Variants in EXPH5 observed in about 807,000 individuals in gnomAD.
EXPH5 encodes the protein exophilin 5, also known as exophilin-5.
Under a neutral mutation model 41.1 loss-of-function variants are expected in EXPH5, and 42 were observed. That is an observed-to-expected ratio of 1.02 (90% CI 0.80 to 1.32). EXPH5 has a LOEUF of 1.32. Ranked by LOEUF, EXPH5 falls within the 40% of genes most tolerant of loss-of-function variation. The pLI is 0.00. For missense variants in EXPH5, 2,298 were observed against 2,314.5 expected (o/e 0.99, Z 0.15); for synonymous variants, 798 against 833.5 (o/e 0.96, Z 0.73).
intron 1 of EXPH5, among the ~76,000 whole-genome samples, chr11:108,590,943 G>A (rs138431783): frequency 1.5e-3 from 235 of 152,264 alleles, no homozygotes; most frequent in Admixed American, 2.7e-3. Context: ...GTGAGCCACC[G>A]GGCCCAGCCC....
chr11:108,521,482 T>C (rs2093764578), intron 4 of EXPH5, among the ~76,000 whole-genome samples: 1 of 152,216 alleles, frequency 6.6e-6, no homozygotes, highest in Admixed American at 6.5e-5. Flanking sequence ...GCTCCCATGA[T>C]AACTTATTGG....
At chr11:108,539,719 C>T (rs1382887014) in intron 2 of EXPH5, among the ~76,000 whole-genome samples, 4 of 152,114 alleles carry the variant, frequency 2.6e-5, no homozygotes, top group African/African-American at 9.7e-5. Flanking sequence ...ACAGGGTGAG[C>T]ATCCTAAACC....
intron 3 of EXPH5, among the ~76,000 whole-genome samples, chr11:108,531,709 G>A (rs1047651883): frequency 5.3e-5 from 8 of 152,196 alleles, no homozygotes; most frequent in East Asian, 1.9e-4. Context: ...TTCCCCCCAA[G>A]TGTTGGTGGG....
At chr11:108,557,007 C>T (rs1453033992) in intron 1 of EXPH5, among the ~76,000 whole-genome samples, 1 of 152,208 alleles carries the variant, frequency 6.6e-6, no homozygotes, top group African/African-American at 2.4e-5. Context: ...CAAGCTGGCT[C>T]CCACTGGGCT....
chr11:108,513,087 G>A lies in EXPH5; in HGVS notation c.2420C>T (p.Thr807Ile). ...RFTENRKLGS[T>I]ASLPFIQEHR... is the part of the protein sequence containing the mutation. ...TTCCTGAATGAAAGGAAGGGAAGCT[G>A]TTGAGCCAAGTTTTCTGTTTTCAGT... The change falls in exon 6 of 6, where the codon ACA (threonine) becomes ATA (isoleucine). Residue 807 changes from threonine (T) to isoleucine (I), a missense_variant. By Grantham distance (89) the Thr-to-Ile change is moderately conservative (BLOSUM62 -1). Coordinates refer to ENST00000265843, the MANE Select transcript of EXPH5 (RefSeq NM_015065.3). 6.2e-7 allele frequency: 1 copy of A among 1,611,294 alleles called. No homozygotes were observed. Among genetic ancestry groups the A allele is most frequent in the East Asian group, 2.2e-5 (1 of 44,868 alleles).
intron 1 of EXPH5, among the ~76,000 whole-genome samples, chr11:108,548,389 G>C (rs1443340702): frequency 2.0e-5 from 3 of 152,106 alleles, no homozygotes; most frequent in African/African-American, 7.2e-5. Context: ...GTTTCCTGAA[G>C]ATAGTGAGAA....
At chr11:108,574,792 G>A (rs2094074441) in intron 1 of EXPH5, among the ~76,000 whole-genome samples, 1 of 152,172 alleles carries the variant, frequency 6.6e-6, no homozygotes, top group African/African-American at 2.4e-5. Context: ...ATCACAGAAG[G>A]CCTTTACTTC....
chr11:108,519,321 G>C (rs1310136190), intron 4 of EXPH5, among the ~76,000 whole-genome samples: 1 of 152,178 alleles, frequency 6.6e-6, no homozygotes, highest in East Asian at 1.9e-4. Flanking sequence ...TCCTTGCAGA[G>C]AGGAAAGAAA....
At chr11:108,518,135 A>G in intron 5 of EXPH5, 100 bp downstream of exon 5, 2 of 1,063,332 alleles carry the variant, frequency 1.9e-6, no homozygotes, top group East Asian at 2.4e-5. Context: ...AAAATAAAGT[A>G]CAGTGTTTCA....
At chr11:108,576,518 C>A (rs557679346) in intron 1 of EXPH5, among the ~76,000 whole-genome samples, 5 of 152,104 alleles carry the variant, frequency 3.3e-5, no homozygotes, top group South Asian at 4.2e-4. Flanking sequence ...GAATTGTTAG[C>A]TTTAAAGTGG....
intron 5 of EXPH5, among the ~76,000 whole-genome samples, chr11:108,516,915 A>C (rs2093730397): frequency 6.6e-6 from 1 of 152,238 alleles, no homozygotes; most frequent in Non-Finnish European, 1.5e-5. Context: ...AAAACAAAAC[A>C]ACTGCATAAT....
At chr11:108,545,831 A>G (rs890394931) in intron 1 of EXPH5, among the ~76,000 whole-genome samples, 11 of 151,538 alleles carry the variant, frequency 7.3e-5, no homozygotes, top group African/African-American at 2.7e-4. Context: ...TGAGCCCAGG[A>G]GTTGGAGGCT....
At chr11:108,583,962 G>A (rs1056367597) in intron 1 of EXPH5, among the ~76,000 whole-genome samples, 1 of 152,150 alleles carries the variant, frequency 6.6e-6, no homozygotes, top group Non-Finnish European at 1.5e-5. Flanking sequence ...GAGCCAATAA[G>A]TAAGTTTAGC....
intron 4 of EXPH5, among the ~76,000 whole-genome samples, chr11:108,520,047 C>T (rs1236138687): frequency 6.6e-6 from 1 of 151,578 alleles, no homozygotes; most frequent in Non-Finnish European, 1.5e-5. Context: ...GGGTCCCTGA[C>T]CCCTGGGCCA....
intron 1 of EXPH5, among the ~76,000 whole-genome samples, chr11:108,569,762 G>T (rs922248072): frequency 1.3e-5 from 2 of 152,104 alleles, no homozygotes; most frequent in African/African-American, 4.8e-5. Context: ...AGTGAGTGCT[G>T]TTGAACAGAA....
At chr11:108,603,845 G>A in the EXPH5 span, among the ~76,000 whole-genome samples, 1 of 152,116 alleles carries the variant, frequency 6.6e-6, no homozygotes, top group Non-Finnish European at 1.5e-5. Flanking sequence ...ACAATGATAA[G>A]GTGCAAGGCT....
intron 1 of EXPH5, among the ~76,000 whole-genome samples, chr11:108,588,013 A>G (rs2094118520): frequency 6.6e-6 from 1 of 152,204 alleles, no homozygotes; most frequent in Non-Finnish European, 1.5e-5. Context: ...TCAGCCTCCC[A>G]AAGTGCTGGG....
At position 108,526,319 on chromosome 11, in the gene EXPH5, C is replaced by T. The variant is rs190617224; in HGVS notation, c.492+1817G>A. On this transcript the variant is annotated intron_variant, in intron 4 of 5. Transcript: ENST00000265843. The stretch of plus-strand genomic sequence containing the variant: ...AGCTCTTGCCTTTTAGACTGACATG[C>T]TCCAAGCAGTGAAATGGTTTCGTGC... 2.7e-3 allele frequency among the ~76,000 whole-genome samples: 406 copies of T among 152,290 alleles called. 8 individuals are homozygous for T. Among genetic ancestry groups the T allele is most frequent in the Admixed American group, 0.023 (359 of 15,302 alleles).
Position 108,510,967 on chromosome 11 carries a change from A to G in EXPH5, c.4540T>C (p.Leu1514=), listed in dbSNP as rs2135906470. 1 of 1,614,122 alleles carries G rather than the reference A, an allele frequency of 6.2e-7. No individual in the cohort carries two copies. The highest frequency in any genetic ancestry group is 8.5e-7 in the Non-Finnish European group (1 of 1,179,984). Residue 1514 remains leucine (L), a synonymous_variant, in exon 6 of 6, where the codon TTG becomes CTG. Coordinates refer to ENST00000265843, the MANE Select transcript of EXPH5 (RefSeq NM_015065.3). ...ESQVFALTPA[L]HKLQLGEETQ... ...TCCTCACCAAGCTGTAGTTTATGCAATGCTGGAGTAAGGGCAAAGACTTGA... is the reference window on the plus strand; with the variant it reads ...TCCTCACCAAGCTGTAGTTTATGCAGTGCTGGAGTAAGGGCAAAGACTTGA...
Sources: allele counts gnomAD v4.1 joint callset (sites outside exome capture counted in the v4.1 genomes callset), GRCh38; gene constraint gnomAD v4.1.1; transcripts MANE v1.5; gene names NCBI Gene and HGNC (gene_info 2026-07-23, HGNC 2026-07-21).